The following PCDH11Y variants were observed in gnomAD, a reference collection of about 807,000 sequenced individuals.
PCDH11Y encodes protocadherin-11 Y-linked.
For missense variants in PCDH11Y, 12 were observed against 224.8 expected (o/e 0.05, Z 6.05); for synonymous variants, 9 against 83.6 (o/e 0.11, Z 4.87).
chrY:5,690,774 A>C, intron 4 of PCDH11Y, among the ~76,000 whole-genome samples: 1 of 28,735 alleles, frequency 3.5e-5, no homozygotes, highest in Non-Finnish European at 8.3e-5. Context: ...TGGCATAATA[A>C]ATATTGCAGG....
At chrY:5,096,438 CGTGTGT>C (rs367616063) in intron 1 of PCDH11Y, among the ~76,000 whole-genome samples, 78 of 19,758 alleles carry the variant, frequency 3.9e-3, no homozygotes, top group East Asian at 0.012. Flanking sequence ...TTTAGATGTA[CGTGTGT>C]GTGTGTGTGT....
At chrY:5,406,111 A>G in intron 2 of PCDH11Y, among the ~76,000 whole-genome samples, 1 of 31,190 alleles carries the variant, frequency 3.2e-5, no homozygotes, top group South Asian at 7.3e-4. Flanking sequence ...TTAGTCTACC[A>G]TAGGGCATTA....
chrY:5,712,928 T>C, intron 4 of PCDH11Y, among the ~76,000 whole-genome samples: 6 of 22,617 alleles, frequency 2.7e-4, no homozygotes, highest in African/African-American at 8.7e-4. Context: ...TACCTCATGG[T>C]CAAACTGATT....
At chrY:5,051,910 G>A, upstream of PCDH11Y, among the ~76,000 whole-genome samples, 2 of 32,268 alleles carry the variant, frequency 6.2e-5, no homozygotes, top group Non-Finnish European at 1.5e-4. Context: ...GCCCTTGCCC[G>A]CCTCTGCTTG....
intron 2 of PCDH11Y, among the ~76,000 whole-genome samples, chrY:5,220,709 C>A (rs958465329): frequency 5.2e-5 from 1 of 19,098 alleles, no homozygotes; most frequent in Admixed American, 5.0e-4. Flanking sequence ...CAACACCTGG[C>A]CTTTTTTTTT....
intron 2 of PCDH11Y, among the ~76,000 whole-genome samples, chrY:5,236,441 C>G: frequency 3.2e-5 from 1 of 31,537 alleles, no homozygotes; most frequent in Admixed American, 3.0e-4. Context: ...AATTTTGTTT[C>G]AGTGTTAGAG....
At chrY:5,053,542 T>C (rs1304211986), upstream of PCDH11Y, among the ~76,000 whole-genome samples, 1 of 27,826 alleles carries the variant, frequency 3.6e-5, no homozygotes, top group Non-Finnish European at 8.5e-5. Context: ...AAATACCATT[T>C]GACCCAGCCA....
intron 4 of PCDH11Y, among the ~76,000 whole-genome samples, chrY:5,601,095 A>G: frequency 2.9e-5 from 1 of 34,324 alleles, no homozygotes; most frequent in Non-Finnish European, 7.3e-5. Context: ...TGGCACAATC[A>G]TGGCTCACTG....
At chrY:5,034,918 T>C in intron 3 of PCDH11Y, among the ~76,000 whole-genome samples, 1 of 28,055 alleles carries the variant, frequency 3.6e-5, no homozygotes, top group Non-Finnish European at 8.6e-5. Context: ...ATATTATGGC[T>C]AGAGAGTAGA....
At chrY:5,355,217 C>T (rs2053164438) in intron 2 of PCDH11Y, among the ~76,000 whole-genome samples, 1 of 28,614 alleles carries the variant, frequency 3.5e-5, no homozygotes, top group African/African-American at 1.4e-4. Flanking sequence ...GCCGAGATTG[C>T]GCCATTGCAC....
chrY:5,474,512 A>AT (rs368983091), intron 2 of PCDH11Y, among the ~76,000 whole-genome samples: 65 of 29,652 alleles, frequency 2.2e-3, no homozygotes, highest in Admixed American at 4.0e-3. Context: ...TCTCTAATCT[A>AT]TTTTTTTTTG....
chrY:5,090,326 A>C, intron 1 of PCDH11Y, among the ~76,000 whole-genome samples: 1 of 33,405 alleles, frequency 3.0e-5, no homozygotes, highest in Admixed American at 2.8e-4. Flanking sequence ...TTTTTACAAG[A>C]AATTTTTAAG....
At chrY:5,119,468 A>G (rs2124639913) in intron 2 of PCDH11Y, among the ~76,000 whole-genome samples, 1 of 32,576 alleles carries the variant, frequency 3.1e-5, no homozygotes, top group South Asian at 6.9e-4. Context: ...ATATATATAC[A>G]TCACCAAATC....
chrY:5,110,539 A>G, intron 2 of PCDH11Y, among the ~76,000 whole-genome samples: 5 of 33,690 alleles, frequency 1.5e-4, no homozygotes, highest in Non-Finnish European at 3.7e-4. Context: ...TCATTAGTCA[A>G]TTAGAGAAAA....
intron 1 of PCDH11Y, among the ~76,000 whole-genome samples, chrY:5,061,031 T>C: frequency 6.3e-5 from 2 of 31,583 alleles, no homozygotes; most frequent in Non-Finnish European, 1.5e-4. Flanking sequence ...AAATAAAATT[T>C]AAAAAAATTA....
chrY:5,101,073 A>C, exon 2 of PCDH11Y: 2 of 237,533 alleles, frequency 8.4e-6, no homozygotes, highest in Non-Finnish European at 1.1e-5. Context: ...GATACATCAC[A>C]TTAAAGCTTT....
intron 2 of PCDH11Y, among the ~76,000 whole-genome samples, chrY:5,327,958 AG>A (rs2053124251): frequency 3.1e-5 from 1 of 32,622 alleles, no homozygotes; most frequent in Middle Eastern, 0.014. Context: ...ATATTGATTA[AG>A]AAGGGGACGG....
chrY:5,547,287 A>G, intron 3 of PCDH11Y, among the ~76,000 whole-genome samples: 1 of 30,548 alleles, frequency 3.3e-5, no homozygotes, highest in Non-Finnish European at 7.9e-5. Flanking sequence ...CTATGTATCT[A>G]TCTTCCTATT....
intron 2 of PCDH11Y, among the ~76,000 whole-genome samples, chrY:5,327,331 T>C (rs2053123085): frequency 3.0e-5 from 1 of 33,219 alleles, no homozygotes. Context: ...GGAGAGTATA[T>C]GGGTTTGGCA....
Sources: allele counts gnomAD v4.1 joint callset (sites outside exome capture counted in the v4.1 genomes callset), GRCh38; gene constraint gnomAD v4.1.1; transcripts MANE v1.5; gene names NCBI Gene and HGNC (gene_info 2026-07-23, HGNC 2026-07-21).